Variants in ACTR3C observed in about 807,000 individuals in gnomAD.
The protein encoded by ACTR3C is actin-related protein 3C.
ACTR3C carries 18 observed loss-of-function variants against 26.3 expected under a neutral mutation model. The observed-to-expected ratio is 0.68, with a 90% CI of 0.47 to 1.01. The LOEUF (loss-of-function observed/expected upper bound fraction) is 1.01. Ranked by LOEUF, ACTR3C falls within the 50% of genes least tolerant of loss-of-function variation. ACTR3C has a pLI of 0.00. For missense variants in ACTR3C, 184 were observed against 250.7 expected, an observed-to-expected ratio of 0.73 and a Z score of 1.80; for synonymous variants, 55 against 94.5, an observed-to-expected ratio of 0.58 and a Z score of 2.42.
the ACTR3C span, among the ~76,000 whole-genome samples, chr7:150,104,402 C>T: frequency 6.6e-6 from 1 of 151,916 alleles, no homozygotes; most frequent in Non-Finnish European, 1.5e-5. Flanking sequence ...ATACAGAACA[C>T]TTTTATTTCA....
At chr7:150,010,558 G>A in the ACTR3C span, among the ~76,000 whole-genome samples, 3 of 152,024 alleles carry the variant, frequency 2.0e-5, no homozygotes, top group African/African-American at 7.3e-5. Flanking sequence ...GCCGGGCGTG[G>A]TGATGGGCCC....
chr7:150,039,429 C>G, the ACTR3C span, among the ~76,000 whole-genome samples: 6 of 46,830 alleles, frequency 1.3e-4, no homozygotes, highest in East Asian at 1.2e-3. Context: ...CCCTGCCTCG[C>G]GGGGGTGCCT....
At chr7:150,180,935 T>G in the ACTR3C span, among the ~76,000 whole-genome samples, 1 of 151,446 alleles carries the variant, frequency 6.6e-6, no homozygotes, top group Non-Finnish European at 1.5e-5. Context: ...CGTGGTCATA[T>G]TTGATATGCA....
chr7:149,977,198 G>A, the ACTR3C span, among the ~76,000 whole-genome samples: 1 of 152,192 alleles, frequency 6.6e-6, no homozygotes, highest in Non-Finnish European at 1.5e-5. Flanking sequence ...AGAAGCTCCT[G>A]GGGGTAATCT....
the ACTR3C span, among the ~76,000 whole-genome samples, chr7:149,969,310 TG>T: frequency 7.9e-6 from 1 of 125,948 alleles, no homozygotes; most frequent in African/African-American, 2.9e-5. Flanking sequence ...TGTGTGTGTG[TG>T]TGTGTGTGTG....
At chr7:149,934,279 C>T in the ACTR3C span, among the ~76,000 whole-genome samples, 1 of 152,148 alleles carries the variant, frequency 6.6e-6, no homozygotes, top group Non-Finnish European at 1.5e-5. Flanking sequence ...GTTAGCAATG[C>T]AGATCCCAGG....
chr7:150,143,593 A>T, the ACTR3C span, among the ~76,000 whole-genome samples: 2 of 152,126 alleles, frequency 1.3e-5, no homozygotes, highest in Admixed American at 1.3e-4. Context: ...CTCTTCCCTG[A>T]TCCCCGGTGA....
At chr7:149,965,824 A>G in the ACTR3C span, among the ~76,000 whole-genome samples, 1 of 152,102 alleles carries the variant, frequency 6.6e-6, no homozygotes, top group Non-Finnish European at 1.5e-5. Context: ...CCCCTACTTA[A>G]TGCCTTTGAA....
At chr7:150,256,885 T>G (rs1833257569) in intron 6 of ACTR3C, among the ~76,000 whole-genome samples, 1 of 152,188 alleles carries the variant, frequency 6.6e-6, no homozygotes, top group South Asian at 2.1e-4. Context: ...GCTTCTCAAG[T>G]AAACATGGTT....
the ACTR3C span, among the ~76,000 whole-genome samples, chr7:150,080,829 G>A: frequency 1.3e-5 from 2 of 152,258 alleles, no homozygotes; most frequent in Non-Finnish European, 1.5e-5. Flanking sequence ...ATCTGTTATG[G>A]TTACTGGCCA....
At chr7:150,151,627 C>T in the ACTR3C span, among the ~76,000 whole-genome samples, 21 of 132,930 alleles carry the variant, frequency 1.6e-4, 3 homozygotes, top group Non-Finnish European at 2.8e-4. Context: ...TTTGTGTCAC[C>T]TCTTCTGTTG....
chr7:150,068,551 G>C, the ACTR3C span, among the ~76,000 whole-genome samples: 1 of 151,372 alleles, frequency 6.6e-6, no homozygotes, highest in Admixed American at 6.6e-5. Flanking sequence ...GACGCGGGAG[G>C]ATCACAAGGT....
At chr7:150,085,461 C>T in the ACTR3C span, among the ~76,000 whole-genome samples, 16 of 152,014 alleles carry the variant, frequency 1.1e-4, no homozygotes, top group Admixed American at 6.6e-4. Flanking sequence ...CTACATCAAA[C>T]GTGGCTGAAA....
At chr7:149,925,747 T>C in the ACTR3C span, among the ~76,000 whole-genome samples, 1 of 150,938 alleles carries the variant, frequency 6.6e-6, no homozygotes, top group Non-Finnish European at 1.5e-5. Flanking sequence ...ATGAAAAAAA[T>C]GAAACCATTA....
chr7:150,066,801 C>T, the ACTR3C span, among the ~76,000 whole-genome samples: 1 of 152,206 alleles, frequency 6.6e-6, no homozygotes, highest in South Asian at 2.1e-4. Flanking sequence ...GTCTAGAAAC[C>T]ATGTGATACT....
the ACTR3C span, among the ~76,000 whole-genome samples, chr7:150,117,421 G>A: frequency 6.6e-6 from 1 of 152,194 alleles, no homozygotes; most frequent in Non-Finnish European, 1.5e-5. Flanking sequence ...CATTACTGAG[G>A]CTTGAGTACA....
chr7:150,152,048 A>G, the ACTR3C span, among the ~76,000 whole-genome samples: 4 of 147,344 alleles, frequency 2.7e-5, no homozygotes, highest in African/African-American at 9.8e-5. Context: ...GGCTGCGACA[A>G]TGGGGTTTTC....
At chr7:150,087,252 T>C in the ACTR3C span, among the ~76,000 whole-genome samples, 2 of 151,770 alleles carry the variant, frequency 1.3e-5, no homozygotes, top group Admixed American at 6.6e-5. Flanking sequence ...AAAAGTTTTG[T>C]TAATTTTATT....
At chr7:150,165,975 T>C in the ACTR3C span, among the ~76,000 whole-genome samples, 1 of 151,820 alleles carries the variant, frequency 6.6e-6, no homozygotes, top group African/African-American at 2.4e-5. Context: ...GCTAGATACA[T>C]TTCTTTGGTG....
Sources: gnomAD v4.1 joint callset for allele counts (sites outside exome capture counted in the v4.1 genomes callset) on GRCh38, gnomAD v4.1.1 for gene constraint, MANE v1.5 for transcripts, NCBI Gene and HGNC (gene_info 2026-07-23, HGNC 2026-07-21) for gene names.